The following MTUS2 variants were observed in gnomAD, a reference collection of about 807,000 sequenced individuals.
The protein encoded by MTUS2 is microtubule-associated tumor suppressor candidate 2.
In MTUS2, 40 loss-of-function variants were observed where a neutral mutation model predicts 114.1. That is an observed-to-expected ratio of 0.35 (90% confidence interval 0.27 to 0.46). The LOEUF (loss-of-function observed/expected upper bound fraction) is 0.46, where lower values mean the gene tolerates loss of function less well. MTUS2 is among the 20% of genes least tolerant of loss of function. The probability of loss-of-function intolerance (pLI) is 1.00; values close to 1 mark genes in which losing one functional copy is unlikely to be tolerated. For missense variants in MTUS2, 1,679 were observed against 1,705.4 expected (o/e 0.98, Z 0.27); for synonymous variants, 688 against 672.0 (o/e 1.02, Z -0.37).
At chr13:28,830,969 C>G (rs1171831734) in intron 1 of MTUS2, among the ~76,000 whole-genome samples, 1 of 151,934 alleles carries the variant, frequency 6.6e-6, no homozygotes, top group African/African-American at 2.4e-5. Flanking sequence ...CTCAGAAAAA[C>G]AAAAACAGAG....
At chr13:28,939,790 T>C (rs931820323) in intron 2 of MTUS2, among the ~76,000 whole-genome samples, 1 of 152,008 alleles carries the variant, frequency 6.6e-6, no homozygotes, top group Non-Finnish European at 1.5e-5. Flanking sequence ...TTCATGCTGC[T>C]AACAAAGACA....
intron 7 of MTUS2, among the ~76,000 whole-genome samples, chr13:29,326,667 C>T (rs1255768983): frequency 6.6e-6 from 1 of 152,170 alleles, no homozygotes; most frequent in East Asian, 1.9e-4. Context: ...GAACTATACT[C>T]TCTAAACTAA....
At chr13:29,176,961 C>T (rs530003720) in intron 5 of MTUS2, among the ~76,000 whole-genome samples, 2 of 150,990 alleles carry the variant, frequency 1.3e-5, no homozygotes, top group South Asian at 4.2e-4. Flanking sequence ...TCTCTGTTGC[C>T]GTAGAGAGAT....
chr13:29,290,486 C>T (rs1218459091), intron 6 of MTUS2, among the ~76,000 whole-genome samples: 3 of 152,116 alleles, frequency 2.0e-5, no homozygotes, highest in Non-Finnish European at 4.4e-5. Flanking sequence ...CCTGCCACCA[C>T]GCCTGGCTAA....
chr13:28,856,074 G>A (rs1266321129), intron 2 of MTUS2, among the ~76,000 whole-genome samples: 2 of 152,210 alleles, frequency 1.3e-5, no homozygotes, highest in Admixed American at 6.5e-5. Context: ...GATTCAGGAT[G>A]TGTGAGGGGT....
chr13:29,474,182 C>A (rs954293757), intron 9 of MTUS2, among the ~76,000 whole-genome samples: 1 of 152,082 alleles, frequency 6.6e-6, no homozygotes, highest in Admixed American at 6.5e-5. Context: ...GATTACTTTG[C>A]CACTTTATAG....
At chr13:29,180,825 G>A (rs1176792678) in intron 5 of MTUS2, among the ~76,000 whole-genome samples, 1 of 152,104 alleles carries the variant, frequency 6.6e-6, no homozygotes, top group Non-Finnish European at 1.5e-5. Context: ...GTAGCCTTTG[G>A]CCTCATCAGC....
chr13:29,296,890 G>T (rs1898971236), intron 6 of MTUS2, among the ~76,000 whole-genome samples: 1 of 152,002 alleles, frequency 6.6e-6, no homozygotes, highest in Admixed American at 6.6e-5. Flanking sequence ...CTCCCATTCT[G>T]TAGGTTGTAT....
intron 7 of MTUS2, among the ~76,000 whole-genome samples, chr13:29,337,139 C>CA (rs1901104039): frequency 6.6e-6 from 1 of 151,924 alleles, no homozygotes; most frequent in African/African-American, 2.4e-5. Flanking sequence ...GCCCCCTTTC[C>CA]AGGGGGGTGA....
chr13:29,068,423 C>T (rs1393042103), intron 4 of MTUS2, among the ~76,000 whole-genome samples: 1 of 151,368 alleles, frequency 6.6e-6, no homozygotes, highest in Non-Finnish European at 1.5e-5. Flanking sequence ...GAGTGTGAAG[C>T]ACAGGTGTAA....
In MTUS2 at chr13:29,025,909, G is replaced by A; in HGVS notation, c.1211G>A (p.Gly404Glu). ...CCCAAACAGGGCTCTGCTTCCTTAGGAGGGGCTGATAATCAGCCCACTGGC... is the reference window on the plus strand; with the variant it reads ...CCCAAACAGGGCTCTGCTTCCTTAGAAGGGGCTGATAATCAGCCCACTGGC... ...TTPKQGSASL[G>E]GADNQPTGKI... is the part of the protein sequence containing the mutation. Residue 404 changes from glycine (G) to glutamate (E), a missense_variant, in exon 3 of 16, where the codon GGA (glycine) becomes GAA (glutamate). By Grantham distance (98) the Gly-to-Glu change is moderately conservative. This residue lies in a region of MTUS2 where 843 missense variants were observed against 770.8 expected (regional missense o/e 1.09). Transcript: ENST00000612955. 1 of 1,613,750 alleles carries A rather than the reference G, an allele frequency of 6.2e-7. No homozygotes were observed. Among genetic ancestry groups the A allele is most frequent in the Non-Finnish European group, 8.5e-7 (1 of 1,179,738 alleles).
chr13:29,172,458 G>T (rs546546296), intron 5 of MTUS2, among the ~76,000 whole-genome samples: 8 of 152,288 alleles, frequency 5.3e-5, no homozygotes, highest in Admixed American at 2.6e-4. Flanking sequence ...AGCATTTAAT[G>T]AACTGAAGAA....
chr13:29,237,654 T>C (rs1896583514), intron 5 of MTUS2, among the ~76,000 whole-genome samples: 1 of 152,216 alleles, frequency 6.6e-6, no homozygotes, highest in South Asian at 2.1e-4. Context: ...TTCTGTGACT[T>C]CGATTCTCTC....
intron 2 of MTUS2, among the ~76,000 whole-genome samples, chr13:28,995,635 C>T (rs1885066149): frequency 6.6e-6 from 1 of 152,016 alleles, no homozygotes; most frequent in African/African-American, 2.4e-5. Flanking sequence ...AAGTTGGATT[C>T]CTAGGTATTT....
At chr13:29,250,349 C>G (rs1897079667) in intron 5 of MTUS2, 2 of 151,962 alleles carry the variant, frequency 1.3e-5, no homozygotes, top group Non-Finnish European at 2.9e-5. Flanking sequence ...ATCAGCATGC[C>G]ATCTTAATGG....
intron 4 of MTUS2, among the ~76,000 whole-genome samples, chr13:29,073,252 G>T (rs1889026688): frequency 6.6e-6 from 1 of 152,116 alleles, no homozygotes; most frequent in South Asian, 2.1e-4. Flanking sequence ...GTCACCTCAA[G>T]ATTTGAACCT....
chr13:29,499,051 A>T (rs1034314769), intron 14 of MTUS2, among the ~76,000 whole-genome samples: 2 of 152,046 alleles, frequency 1.3e-5, no homozygotes, highest in African/African-American at 4.8e-5. Flanking sequence ...AAGGCTATTA[A>T]TCCCATTCAC....
chr13:29,500,154 C>T (rs1882793518), intron 14 of MTUS2, among the ~76,000 whole-genome samples: 1 of 152,244 alleles, frequency 6.6e-6, no homozygotes, highest in African/African-American at 2.4e-5. Context: ...TTTCTGCCTG[C>T]CCATATGGCT....
At chr13:29,091,265 CTCAGGTA>C (rs1334709221) in intron 4 of MTUS2, among the ~76,000 whole-genome samples, 2 of 152,104 alleles carry the variant, frequency 1.3e-5, no homozygotes, top group African/African-American at 4.8e-5. Flanking sequence ...ATTACCCACA[CTCAGGTA>C]TTTATTTATA....
Sources: allele counts gnomAD v4.1 joint callset (sites outside exome capture counted in the v4.1 genomes callset), GRCh38; gene constraint gnomAD v4.1.1; regional missense constraint gnomAD v4.1.1; transcripts MANE v1.5; gene names NCBI Gene and HGNC (gene_info 2026-07-23, HGNC 2026-07-21).